Variants in ZPLD1 observed in about 807,000 individuals in gnomAD.
ZPLD1 encodes zona pellucida-like domain-containing protein 1.
In ZPLD1, 34 loss-of-function variants were observed where a neutral mutation model predicts 47.2. The ratio of observed to expected loss-of-function variants is 0.72; its 90% CI spans 0.55 to 0.96. The LOEUF (loss-of-function observed/expected upper bound fraction) is 0.96, where lower values mean the gene tolerates loss of function less well. ZPLD1 is among the 40% of genes least tolerant of loss of function. ZPLD1 has a pLI of 0.00. For missense variants in ZPLD1, 512 were observed against 505.8 expected (o/e 1.01, Z -0.12); for synonymous variants, 176 against 186.2 (o/e 0.95, Z 0.45).
intron 8 of ZPLD1, 71 bp downstream of exon 8, chr3:102,464,322 T>C (rs1707558202): frequency 3.7e-6 from 4 of 1,087,754 alleles, no homozygotes; most frequent in Admixed American, 1.9e-5. Context: ...ATGGAATATC[T>C]AAGTCAGATA....
intron 7 of ZPLD1, among the ~76,000 whole-genome samples, chr3:102,399,899 A>G (rs1001704928): frequency 1.9e-4 from 29 of 151,290 alleles, no homozygotes; most frequent in Admixed American, 1.7e-3. Context: ...GTTCACTGCA[A>G]CCTTTACATC....
At chr3:102,420,216 A>G (rs76031778) in intron 8 of ZPLD1, among the ~76,000 whole-genome samples, 3,611 of 152,030 alleles carry the variant, frequency 0.024, 149 homozygotes, top group African/African-American at 0.082. Flanking sequence ...GTTTGAATGA[A>G]CATGGTTTTT....
At chr3:102,467,633 A>G (rs780777878) in intron 8 of ZPLD1, among the ~76,000 whole-genome samples, 4 of 152,094 alleles carry the variant, frequency 2.6e-5, no homozygotes, top group African/African-American at 4.8e-5. Context: ...AAAAAATAGT[A>G]TTGGACCTAT....
intron 3 of ZPLD1, among the ~76,000 whole-genome samples, chr3:102,443,601 A>G (rs1707212841): frequency 6.6e-6 from 1 of 152,174 alleles, no homozygotes; most frequent in South Asian, 2.1e-4. Flanking sequence ...GACCTGCTTG[A>G]CTAAGGAAAT....
intron 9 of ZPLD1, among the ~76,000 whole-genome samples, chr3:102,469,606 G>C (rs1199390674): frequency 4.6e-5 from 7 of 152,132 alleles, no homozygotes; most frequent in Admixed American, 2.6e-4. Flanking sequence ...GATGGTCAAA[G>C]ACAGAGACAC....
intron 10 of ZPLD1, 117 bp downstream of exon 10, chr3:102,470,619 G>A: frequency 2.8e-6 from 2 of 725,066 alleles, no homozygotes; most frequent in South Asian, 3.6e-5. Flanking sequence ...TGTGAGACAA[G>A]ATAAACTACT....
At chr3:102,457,949 A>G in intron 6 of ZPLD1, 96 bp downstream of exon 6, 2 of 1,187,592 alleles carry the variant, frequency 1.7e-6, no homozygotes, top group Admixed American at 1.9e-5. Context: ...TGAAAGCCAC[A>G]TTAACCCTGT....
intron 8 of ZPLD1, among the ~76,000 whole-genome samples, chr3:102,425,745 C>T (rs751756145): frequency 8.6e-5 from 13 of 151,900 alleles, no homozygotes; most frequent in Admixed American, 3.3e-4. Context: ...GACACAAAAG[C>T]GTGTTAACTT....
At chr3:102,433,862 T>C (rs984259045), upstream of ZPLD1, among the ~76,000 whole-genome samples, 7 of 152,170 alleles carry the variant, frequency 4.6e-5, no homozygotes, top group African/African-American at 1.4e-4. Flanking sequence ...CACTGCCTAA[T>C]GAAATAGAGT....
chr3:102,420,589 G>A (rs1466344034), intron 8 of ZPLD1, among the ~76,000 whole-genome samples: 3 of 151,712 alleles, frequency 2.0e-5, no homozygotes, highest in Non-Finnish European at 2.9e-5. Flanking sequence ...TTTCACGCAA[G>A]GTTATTCTTC....
intron 7 of ZPLD1, among the ~76,000 whole-genome samples, chr3:102,416,787 A>G (rs929961386): frequency 4.0e-5 from 6 of 148,404 alleles, no homozygotes; most frequent in African/African-American, 1.2e-4. Flanking sequence ...GCACTTCACT[A>G]TTCGTGGGTA....
At chr3:102,408,436 A>G (rs1706716278) in intron 7 of ZPLD1, among the ~76,000 whole-genome samples, 1 of 151,876 alleles carries the variant, frequency 6.6e-6, no homozygotes, top group Admixed American at 6.6e-5. Context: ...TTCAAACAGA[A>G]ACATTAGCCA....
chr3:102,474,430 G>A (rs1236627450), intron 10 of ZPLD1, among the ~76,000 whole-genome samples: 1 of 152,164 alleles, frequency 6.6e-6, no homozygotes, highest in Non-Finnish European at 1.5e-5. Context: ...ACTCGTCTAG[G>A]AACTGGGAGT....
chr3:102,416,900 T>C (rs1231186494), intron 7 of ZPLD1, among the ~76,000 whole-genome samples: 1 of 151,976 alleles, frequency 6.6e-6, no homozygotes, highest in Non-Finnish European at 1.5e-5. Context: ...CACTCAACAC[T>C]AAACAGAAGA....
At chr3:102,425,613 C>A (rs1437351537) in intron 8 of ZPLD1, among the ~76,000 whole-genome samples, 1 of 151,952 alleles carries the variant, frequency 6.6e-6, no homozygotes, top group Non-Finnish European at 1.5e-5. Context: ...TGTTTCAGAT[C>A]CCAAAGAACA....
chr3:102,396,787 G>A (rs1706562685), intron 7 of ZPLD1, among the ~76,000 whole-genome samples: 1 of 152,208 alleles, frequency 6.6e-6, no homozygotes, highest in East Asian at 1.9e-4. Flanking sequence ...TGAACAGCTC[G>A]GTGGTCTATG....
Position 102,464,235 on chromosome 3 carries a change from T to C in ZPLD1, c.745T>C (p.Tyr249His). The change falls in exon 8 of 12, where the codon TAT (tyrosine) becomes CAT (histidine). Residue 249 changes from tyrosine to histidine, a missense_variant. Physicochemically the swap from Tyr to His is moderately conservative, Grantham distance 83 (BLOSUM62 2). Transcript: ENST00000466937. ...AGGAAACCCAAATGATGACATTCGA[T>C]ATGATCTTTTCCTTAGGTAAGACTT... ...PSGNPNDDIR[Y>H]DLFLSCDKDP... 1 of 1,612,100 alleles carries C rather than the reference T, an allele frequency of 6.2e-7. No individual in the cohort carries two copies. Among genetic ancestry groups the C allele is most frequent in the Non-Finnish European group, 8.5e-7 (1 of 1,178,244 alleles).
chr3:102,431,254 GC>G (rs769432758), upstream of ZPLD1, among the ~76,000 whole-genome samples: 5 of 152,292 alleles, frequency 3.3e-5, no homozygotes, highest in Non-Finnish European at 5.9e-5. Context: ...CTTAGGAGCA[GC>G]CTTTAGCATT....
At chr3:102,441,371 A>G (rs1419930799) in intron 3 of ZPLD1, among the ~76,000 whole-genome samples, 1 of 151,978 alleles carries the variant, frequency 6.6e-6, no homozygotes, top group Non-Finnish European at 1.5e-5. Flanking sequence ...AAAAGTGGGG[A>G]CTCAACTTGT....
Sources: allele counts gnomAD v4.1 joint callset (sites outside exome capture counted in the v4.1 genomes callset), GRCh38; gene constraint gnomAD v4.1.1; transcripts MANE v1.5; gene names NCBI Gene and HGNC (gene_info 2026-07-23, HGNC 2026-07-21).